The following CDK5RAP2 variants were observed in gnomAD, a reference collection of about 807,000 sequenced individuals.
CDK5RAP2 encodes the protein CDK5 regulatory subunit associated protein 2, also known as CDK5 regulatory subunit-associated protein 2.
CDK5RAP2 carries 147 observed loss-of-function variants against 232.9 expected under a neutral mutation model. The ratio of observed to expected loss-of-function variants is 0.63; its 90% CI spans 0.55 to 0.72. The LOEUF is 0.72. Ranked by LOEUF, CDK5RAP2 falls within the 30% of genes least tolerant of loss-of-function variation. The probability of loss-of-function intolerance (pLI) is 0.00; values close to 1 mark genes in which losing one functional copy is unlikely to be tolerated. For missense variants in CDK5RAP2, 2,195 were observed against 2,231.5 expected, an observed-to-expected ratio of 0.98 and a Z score of 0.33; for synonymous variants, 833 against 833.7, an observed-to-expected ratio of 1.00 and a Z score of 0.01.
At chr9:120,517,840 A>C (rs1354090035) in intron 12 of CDK5RAP2, 1 of 385,046 alleles carries the variant, frequency 2.6e-6, no homozygotes. Context: ...TGGGAGGATC[A>C]CTTGAGCCCA....
chr9:120,577,622 G>A, intron 1 of CDK5RAP2, among the ~76,000 whole-genome samples: 1 of 152,192 alleles, frequency 6.6e-6, no homozygotes, highest in East Asian at 1.9e-4. Flanking sequence ...AGGGAAAGGA[G>A]AATATTTGCT....
intron 11 of CDK5RAP2, 109 bp downstream of exon 11, chr9:120,524,877 C>T: frequency 2.6e-6 from 2 of 777,668 alleles, no homozygotes; most frequent in Non-Finnish European, 4.6e-6. Flanking sequence ...CTGAAGACCA[C>T]CCACAGTTTT....
chr9:120,471,304 T>C (rs1490646441), intron 16 of CDK5RAP2, among the ~76,000 whole-genome samples: 1 of 152,112 alleles, frequency 6.6e-6, no homozygotes, highest in Non-Finnish European at 1.5e-5. Flanking sequence ...CTTGTAGCCC[T>C]CCCTTAATGC....
chr9:120,471,141 T>A, intron 16 of CDK5RAP2, among the ~76,000 whole-genome samples: 1 of 152,166 alleles, frequency 6.6e-6, no homozygotes, highest in East Asian at 1.9e-4. Flanking sequence ...ATTACCAATT[T>A]TTACCATATG....
At chr9:120,567,097 T>C (rs1303290329) in intron 3 of CDK5RAP2, among the ~76,000 whole-genome samples, 3 of 152,238 alleles carry the variant, frequency 2.0e-5, no homozygotes, top group Non-Finnish European at 4.4e-5. Context: ...ATTACTCTTA[T>C]GATAAAACAG....
chr9:120,548,000 C>T (rs1332117772), intron 4 of CDK5RAP2, among the ~76,000 whole-genome samples: 1 of 152,188 alleles, frequency 6.6e-6, no homozygotes, highest in Non-Finnish European at 1.5e-5. Flanking sequence ...CCTCAAGTGT[C>T]AAAAACAAAA....
intron 32 of CDK5RAP2, chr9:120,406,743 G>C (rs1462052633): frequency 1.9e-6 from 1 of 529,402 alleles, no homozygotes; most frequent in Non-Finnish European, 3.4e-6. Flanking sequence ...ATGGATAGGA[G>C]GGAGCAAGGC....
Position 120,539,909 on chromosome 9 carries a change from G to A in CDK5RAP2, c.384-745C>T, listed in dbSNP as rs139927514. Among the ~76,000 whole-genome samples the A allele has an allele frequency of 2.8e-4, 43 of 152,308 alleles. No homozygotes were observed. The East Asian group carries it at 7.5e-3, about 27-fold the overall frequency. On this transcript the variant is annotated intron_variant, in intron 5 of 37. Transcript: ENST00000349780. ...CAGAGAGCTGGTCTGACAAACCAAC[G>A]TGCAAAGGAGCAGTATGCAACGAAG...
At chr9:120,534,067 C>T (rs1170127096) in intron 7 of CDK5RAP2, among the ~76,000 whole-genome samples, 1 of 152,202 alleles carries the variant, frequency 6.6e-6, no homozygotes, top group African/African-American at 2.4e-5. Context: ...AAAGACCTTT[C>T]TAAATTTAAA....
intron 32 of CDK5RAP2, 21 bp downstream of exon 32, chr9:120,406,991 G>C (rs774831147): frequency 2.6e-6 from 4 of 1,543,896 alleles, no homozygotes; most frequent in Non-Finnish European, 3.6e-6. Context: ...CTCAGCAAGT[G>C]GGGAGAGGCA....
At chr9:120,455,150 AC>A (rs2036689068) in intron 20 of CDK5RAP2, among the ~76,000 whole-genome samples, 1 of 152,114 alleles carries the variant, frequency 6.6e-6, no homozygotes, top group Non-Finnish European at 1.5e-5. Context: ...ACGTAAACAA[AC>A]TATGAGGGTT....
intron 29 of CDK5RAP2, 85 bp from the exon 30 acceptor site, chr9:120,409,401 C>CA: frequency 1.0e-6 from 1 of 970,604 alleles, no homozygotes; most frequent in Admixed American, 2.1e-5. Flanking sequence ...TTCAAGAATA[C>CA]AAAAAAGAAT....
At chr9:120,498,510 C>G (rs1020847281) in intron 12 of CDK5RAP2, among the ~76,000 whole-genome samples, 19 of 152,060 alleles carry the variant, frequency 1.2e-4, no homozygotes, top group African/African-American at 4.3e-4. Flanking sequence ...ATCCTGAACC[C>G]GAAAAGGGTC....
chr9:120,556,954 G>A (rs572835962), intron 3 of CDK5RAP2, among the ~76,000 whole-genome samples: 4 of 152,266 alleles, frequency 2.6e-5, no homozygotes, highest in East Asian at 1.9e-4. Context: ...CCCGCCAGAT[G>A]CTTCCTATAA....
intron 1 of CDK5RAP2, among the ~76,000 whole-genome samples, chr9:120,573,973 T>C (rs2042944011): frequency 6.6e-6 from 1 of 152,210 alleles, no homozygotes; most frequent in African/African-American, 2.4e-5. Context: ...ATTCTCAATC[T>C]GGGGTTCTCT....
Position 120,394,576 on chromosome 9 carries a change from C to A in CDK5RAP2, c.5514G>T (p.Lys1838Asn). 1 of 1,614,158 alleles carries A rather than the reference C, an allele frequency of 6.2e-7. No individual in the cohort carries two copies. Among genetic ancestry groups the A allele is most frequent in the East Asian group, 2.2e-5 (1 of 44,886 alleles). Residue 1838 changes from lysine (K) to asparagine (N), a missense_variant, in exon 36 of 38, where the codon AAG becomes AAT. Transcript: ENST00000349780. ...GCAAAAGCTTCATGGTGTTTTGCAA[C>A]TTCTTTTCTTGTTCAAACAATTTTT... ...LHKKLFEQEK[K>N]LQNTMKLLQL...
intron 12 of CDK5RAP2, among the ~76,000 whole-genome samples, chr9:120,509,517 G>A (rs2039981069): frequency 6.6e-6 from 1 of 152,202 alleles, no homozygotes; most frequent in Non-Finnish European, 1.5e-5. Flanking sequence ...AGTTTAATGA[G>A]TTTAAGCTGT....
chr9:120,475,733 T>C (rs185206442), intron 15 of CDK5RAP2, among the ~76,000 whole-genome samples: 1 of 152,258 alleles, frequency 6.6e-6, no homozygotes, highest in Non-Finnish European at 1.5e-5. Context: ...TCATTTCCTA[T>C]GAAAAAATCT....
intron 11 of CDK5RAP2, among the ~76,000 whole-genome samples, chr9:120,519,867 C>T (rs2040539024): frequency 6.6e-6 from 1 of 151,602 alleles, no homozygotes; most frequent in Non-Finnish European, 1.5e-5. Context: ...TATATCTAAG[C>T]ACTTACAATG....
Sources: allele counts gnomAD v4.1 joint callset (sites outside exome capture counted in the v4.1 genomes callset), GRCh38; gene constraint gnomAD v4.1.1; transcripts MANE v1.5; gene names NCBI Gene and HGNC (gene_info 2026-07-23, HGNC 2026-07-21).